UBAC2: variants seen among roughly 807,000 people sequenced by gnomAD.
UBAC2 encodes ubiquitin-associated domain-containing protein 2.
A neutral mutation model predicts 44.0 loss-of-function variants in UBAC2; 26 were observed. The observed-to-expected ratio is 0.59, with a 90% CI of 0.43 to 0.82. UBAC2 has a LOEUF of 0.82. Ranked by LOEUF, UBAC2 falls within the 40% of genes least tolerant of loss-of-function variation. The pLI is 0.00. For synonymous variants in UBAC2, 155 were observed against 154.3 expected (o/e 1.00, Z -0.04); for missense variants, 329 against 419.4 (o/e 0.78, Z 1.88).
In UBAC2 at chr13:99,244,016, T is replaced by G. The variant is rs1325081436; in HGVS notation, c.279+65T>G. Reference sequence around the variant, plus strand: ...AGAAAAAAATTTTGTTTAAATGGATTTTATTTTGTTAAACTTGGTGTTGTT... The same window carrying G: ...AGAAAAAAATTTTGTTTAAATGGATGTTATTTTGTTAAACTTGGTGTTGTT... On this transcript the variant is annotated intron_variant, in intron 3 of 8. Coordinates refer to ENST00000403766, the MANE Select transcript of UBAC2 (RefSeq NM_001144072.2). 3.1e-6 allele frequency: 4 copies of G among 1,288,884 alleles called. No individual in the cohort carries two copies. The African/African-American group carries it at 6.1e-5, about 20-fold the overall frequency. The allele number at this position is 1,288,884 out of a possible 1,614,324, so 79.8% of individuals were successfully genotyped here.
chr13:99,322,960 C>T (rs1317388607), intron 6 of UBAC2, among the ~76,000 whole-genome samples: 1 of 152,138 alleles, frequency 6.6e-6, no homozygotes, highest in African/African-American at 2.4e-5. Flanking sequence ...AAACCCAAAC[C>T]ACTGTCTTAA....
chr13:99,273,830 A>G (rs1278974824), intron 4 of UBAC2, among the ~76,000 whole-genome samples: 1 of 145,526 alleles, frequency 6.9e-6, no homozygotes, highest in African/African-American at 2.5e-5. Flanking sequence ...TATTACCTAG[A>G]TGTTCAGTCT....
intron 6 of UBAC2, among the ~76,000 whole-genome samples, chr13:99,327,492 G>A (rs1304718590): frequency 6.6e-6 from 1 of 152,090 alleles, no homozygotes; most frequent in Admixed American, 6.5e-5. Context: ...CTCTGTGTGT[G>A]TGTGTGTGTG....
At position 99,304,289 on chromosome 13, in the gene UBAC2, T is replaced by A. The variant is rs372232392; in HGVS notation, c.390-9808T>A. ...GATGTCCTCTGGCCCCTATCCTGTA[T>A]CCTTAGCTCTTACTTTCCTTCAAGC... On this transcript the variant is annotated intron_variant, in intron 4 of 8. Coordinates refer to ENST00000403766, the MANE Select transcript of UBAC2 (RefSeq NM_001144072.2). Among the ~76,000 whole-genome samples, 7 of 152,300 alleles carry A rather than the reference T, an allele frequency of 4.6e-5. No homozygotes were observed. In the East Asian group the frequency reaches 9.6e-4, roughly 21 times the overall value.
intron 4 of UBAC2, among the ~76,000 whole-genome samples, chr13:99,283,714 T>A (rs1307277109): frequency 1.0e-3 from 1 of 994 alleles, no homozygotes; most frequent in Non-Finnish European, 0.012. Context: ...TAATGCCACC[T>A]TTTTTTTTTT....
intron 4 of UBAC2, among the ~76,000 whole-genome samples, chr13:99,281,765 A>T (rs758851090): frequency 6.6e-5 from 10 of 152,218 alleles, no homozygotes; most frequent in Admixed American, 3.3e-4. Context: ...GTAATGTTTG[A>T]AGATCTGTGC....
chr13:99,362,096 A>T (rs529925601), intron 7 of UBAC2, among the ~76,000 whole-genome samples: 1 of 152,316 alleles, frequency 6.6e-6, no homozygotes, highest in African/African-American at 2.4e-5. Flanking sequence ...TATTATTTAC[A>T]TAAACTACAT....
intron 1 of UBAC2, among the ~76,000 whole-genome samples, chr13:99,237,595 ATC>A (rs1488171511): frequency 6.6e-6 from 1 of 152,228 alleles, no homozygotes; most frequent in African/African-American, 2.4e-5. Flanking sequence ...GTTGACACTA[ATC>A]TATCGTACGT....
chr13:99,333,024 G>A (rs927988), intron 6 of UBAC2, among the ~76,000 whole-genome samples: 147,978 of 152,284 alleles, frequency 0.97, 72,027 homozygotes, highest in East Asian at 1. Context: ...CACTTGGGGA[G>A]GCCAAGATGG....
In UBAC2 at chr13:99,345,389, G is replaced by C. The variant is rs1172453353; in HGVS notation, c.807+4824G>C. Among the ~76,000 whole-genome samples the C allele has an allele frequency of 4.6e-5, 7 of 151,376 alleles. No homozygotes were observed. In the East Asian group the frequency reaches 9.6e-4, roughly 21 times the overall value. The stretch of plus-strand genomic sequence containing the variant: ...GGGGGAAAGGAGAAACCACAGAGGA[G>C]GAGACAAATAGAAGGAGGTTTCTAA... On this transcript the variant is annotated intron_variant, in intron 7 of 8. Coordinates refer to ENST00000403766, the MANE Select transcript of UBAC2 (RefSeq NM_001144072.2).
In UBAC2 at chr13:99,318,045, C is replaced by G; in HGVS notation, c.537C>G (p.Ile179Met). Reference protein sequence around the residue: ...GLQLFTSGSYIWIVAISGLMS... With the variant: ...GLQLFTSGSYMWIVAISGLMS... ...AGCTTTTCACCTCTGGTTCCTACATCTGGATTGTAGCCATAAGTGGACTTG... is the reference window on the plus strand; with the variant it reads ...AGCTTTTCACCTCTGGTTCCTACATGTGGATTGTAGCCATAAGTGGACTTG... The change falls in exon 6 of 9, where the codon ATC becomes ATG. Residue 179 changes from isoleucine (I) to methionine (M), a missense_variant. By Grantham distance (10) the Ile-to-Met change is conservative. Transcript: ENST00000403766. 2.5e-6 allele frequency: 4 copies of G among 1,610,248 alleles called. No individual in the cohort carries two copies. Among genetic ancestry groups the G allele is most frequent in the Non-Finnish European group, 3.4e-6 (4 of 1,178,626 alleles).
At chr13:99,261,078 A>G (rs530446110) in intron 4 of UBAC2, among the ~76,000 whole-genome samples, 10 of 152,358 alleles carry the variant, frequency 6.6e-5, no homozygotes, top group African/African-American at 1.9e-4. Flanking sequence ...TGTCTATGCC[A>G]CAGGTAAAAT....
At position 99,238,317 on chromosome 13, in the gene UBAC2, C is replaced by T. The variant is rs949044837; in HGVS notation, c.32-110C>T. 2.9e-5 allele frequency: 41 copies of T among 1,397,238 alleles called. No homozygotes were observed. The African/African-American group carries it at 5.3e-4, about 18-fold the overall frequency. 86.6% of individuals were successfully genotyped at this position (1,397,238 alleles called of 1,614,324 possible). A position where few individuals can be genotyped will look rare whatever the true frequency, so the allele number is the denominator to read the frequency against. ...AGAACCAAATTTCAGAGTTTCTGGA[C>T]TTTGTCTTCATTCTGATTTAAAAGA... On this transcript the variant is annotated intron_variant, in intron 1 of 8. Transcript: ENST00000403766.
chr13:99,287,889 C>T (rs1388381996), intron 4 of UBAC2, among the ~76,000 whole-genome samples: 1 of 152,124 alleles, frequency 6.6e-6, no homozygotes, highest in Non-Finnish European at 1.5e-5. Flanking sequence ...TGAAATGGCA[C>T]TTGCATATAC....
intron 1 of UBAC2, chr13:99,231,390 T>C (rs1043615698): frequency 6.6e-6 from 1 of 151,784 alleles, no homozygotes; most frequent in Admixed American, 6.6e-5. Context: ...TTACTTTTTG[T>C]TGCTTTGCTG....
chr13:99,384,831 T>TGTGATGCCAGGGCCGAGCGTGGCCGTGAC (rs1566533724), intron 8 of UBAC2, among the ~76,000 whole-genome samples: 1 of 112,272 alleles, frequency 8.9e-6, no homozygotes, highest in African/African-American at 3.4e-5. Context: ...GTGGCAGTGA[T>TGTGATGCCAGGGCCGAGCGTGGCCGTGAC]GCCAGGAGTG....
chr13:99,351,565 C>T (rs760183576), intron 7 of UBAC2: 4 of 456,758 alleles, frequency 8.8e-6, no homozygotes, highest in Middle Eastern at 3.3e-4. Context: ...AATGTGAATT[C>T]TCTCTTAGTT....
chr13:99,262,977 T>TGATTCTGAGAGCCTCAC (rs2043690117), intron 4 of UBAC2, among the ~76,000 whole-genome samples: 1 of 152,194 alleles, frequency 6.6e-6, no homozygotes, highest in Non-Finnish European at 1.5e-5. Flanking sequence ...CTGTCAGGCA[T>TGATTCTGAGAGCCTCAC]GATTCTGAGA....
At chr13:99,290,307 C>T (rs866293863) in intron 4 of UBAC2, among the ~76,000 whole-genome samples, 3 of 152,190 alleles carry the variant, frequency 2.0e-5, no homozygotes, top group South Asian at 2.1e-4. Context: ...AATCTGCTGG[C>T]TTCTGGTACA....
Sources: gnomAD v4.1 joint callset for allele counts (sites outside exome capture counted in the v4.1 genomes callset) on GRCh38, gnomAD v4.1.1 for gene constraint, MANE v1.5 for transcripts, NCBI Gene and HGNC (gene_info 2026-07-23, HGNC 2026-07-21) for gene names.